FNDC3B: variants seen among roughly 807,000 people sequenced by gnomAD.
FNDC3B encodes fibronectin type III domain containing 3B.
FNDC3B carries 12 observed loss-of-function variants against 151.5 expected under a neutral mutation model. The observed-to-expected ratio is 0.08, with a 90% confidence interval of 0.05 to 0.13. The LOEUF (loss-of-function observed/expected upper bound fraction) is 0.13. FNDC3B is among the 10% of genes least tolerant of loss of function. The pLI, the probability that FNDC3B is intolerant of heterozygous loss-of-function variation, is 1.00. For synonymous variants in FNDC3B, 528 were observed against 549.0 expected, an observed-to-expected ratio of 0.96 and a Z score of 0.54; for missense variants, 1,214 against 1,505.3, an observed-to-expected ratio of 0.81 and a Z score of 3.20.
At chr3:172,191,001 G>A (rs972153395) in intron 3 of FNDC3B, among the ~76,000 whole-genome samples, 1 of 152,148 alleles carries the variant, frequency 6.6e-6, no homozygotes, top group African/African-American at 2.4e-5. Context: ...ATGAAATATT[G>A]AAGAAAGAAC....
At chr3:172,221,826 G>T (rs369190947) in intron 3 of FNDC3B, among the ~76,000 whole-genome samples, 208 of 152,254 alleles carry the variant, frequency 1.4e-3, no homozygotes, top group African/African-American at 4.9e-3. Context: ...CTCACATTTT[G>T]TATGCAGTCT....
chr3:172,068,466 C>G (rs1419887235), intron 1 of FNDC3B, among the ~76,000 whole-genome samples: 1 of 149,898 alleles, frequency 6.7e-6, no homozygotes, highest in Non-Finnish European at 1.5e-5. Flanking sequence ...CTCTGTCTCC[C>G]AGGCTGGAGT....
intron 6 of FNDC3B, among the ~76,000 whole-genome samples, chr3:172,277,225 A>T (rs1451838633): frequency 6.6e-6 from 1 of 152,216 alleles, no homozygotes; most frequent in Non-Finnish European, 1.5e-5. Flanking sequence ...GTGTTTTTCT[A>T]TAGCAATCTA....
intron 1 of FNDC3B, among the ~76,000 whole-genome samples, chr3:172,062,281 T>C (rs1420855782): frequency 6.6e-6 from 1 of 151,978 alleles, no homozygotes; most frequent in East Asian, 1.9e-4. Flanking sequence ...TATTGGTCCC[T>C]AGTACCCCAA....
intron 1 of FNDC3B, among the ~76,000 whole-genome samples, chr3:172,063,102 C>T (rs773434336): frequency 3.9e-5 from 6 of 152,184 alleles, no homozygotes; most frequent in Non-Finnish European, 7.3e-5. Flanking sequence ...TTGTTAAATA[C>T]ATTTTTTCGT....
rs768922841 is a variant in FNDC3B, at chr3:172,330,648, G to T, written c.1487G>T (p.Ser496Ile). The change falls in exon 13 of 26, where the codon AGT (serine) becomes ATT (isoleucine). Residue 496 changes from serine to isoleucine, a missense_variant. Around this residue, in one of 7 missense-constraint regions of FNDC3B, gnomAD observed 111 missense variants for 96.8 expected, o/e 1.15. Coordinates refer to ENST00000415807, the MANE Select transcript of FNDC3B (RefSeq NM_022763.4). ...ATCACATGGGTCACGTTGCAGTGGA[G>T]TAAGCCAGAAGGCTGTTCACCCGAG... ...AGITWVTLQW[S>I]KPEGCSPEEV... 15 of 1,614,092 alleles carry T rather than the reference G, an allele frequency of 9.3e-6. No individual in the cohort carries two copies. The highest frequency in any genetic ancestry group is 1.3e-5 in the African/African-American group (1 of 74,942).
chr3:172,117,192 A>C (rs769779368), intron 2 of FNDC3B, among the ~76,000 whole-genome samples: 7 of 152,228 alleles, frequency 4.6e-5, no homozygotes, highest in Non-Finnish European at 7.3e-5. Flanking sequence ...CCCACCTCTG[A>C]ATAACTACAG....
intron 3 of FNDC3B, among the ~76,000 whole-genome samples, chr3:172,169,874 A>G (rs1052109077): frequency 6.6e-6 from 1 of 152,198 alleles, no homozygotes; most frequent in Non-Finnish European, 1.5e-5. Flanking sequence ...TGCCACAAAG[A>G]AGGAAATTCA....
intron 3 of FNDC3B, among the ~76,000 whole-genome samples, chr3:172,200,901 C>A (rs1725113629): frequency 6.6e-6 from 1 of 152,144 alleles, no homozygotes; most frequent in Non-Finnish European, 1.5e-5. Flanking sequence ...AGCGTTTTCT[C>A]AAAAGGGTAC....
chr3:172,309,596 A>G (rs1226635630), intron 10 of FNDC3B, among the ~76,000 whole-genome samples: 2 of 152,230 alleles, frequency 1.3e-5, no homozygotes, highest in Admixed American at 6.5e-5. Flanking sequence ...CACTCACCTG[A>G]GATCCGAGTT....
chr3:172,198,712 A>C (rs952909628), intron 3 of FNDC3B, among the ~76,000 whole-genome samples: 3 of 152,252 alleles, frequency 2.0e-5, no homozygotes, highest in African/African-American at 7.2e-5. Flanking sequence ...CGCTGTTCCC[A>C]CATCTAGACA....
chr3:172,247,051 T>C (rs1727817085), intron 4 of FNDC3B, among the ~76,000 whole-genome samples: 1 of 152,216 alleles, frequency 6.6e-6, no homozygotes, highest in Non-Finnish European at 1.5e-5. Context: ...ATGATGGAAC[T>C]GTGCATGTTA....
chr3:172,098,050 G>A (rs1719178741), intron 1 of FNDC3B, among the ~76,000 whole-genome samples: 2 of 151,470 alleles, frequency 1.3e-5, no homozygotes, highest in African/African-American at 4.9e-5. Flanking sequence ...AGAAAAATAA[G>A]CCAGAAGAGT....
intron 2 of FNDC3B, among the ~76,000 whole-genome samples, chr3:172,121,124 C>G (rs1257024859): frequency 1.3e-5 from 2 of 152,164 alleles, no homozygotes; most frequent in African/African-American, 4.8e-5. Flanking sequence ...CCGAGCCTGC[C>G]TGAACTCTGT....
Position 172,247,679 on chromosome 3 carries a change from A to G in FNDC3B, c.411A>G (p.Ser137=), listed in dbSNP as rs536027783. 5.3e-5 allele frequency: 85 copies of G among 1,613,936 alleles called. 1 individual carries two copies. The South Asian group carries it at 9.0e-4, about 17-fold the overall frequency. Residue 137 remains serine (S), a synonymous_variant, in exon 5 of 26, where the codon TCA becomes TCG. Coordinates refer to ENST00000415807, the MANE Select transcript of FNDC3B (RefSeq NM_022763.4). The stretch of plus-strand genomic sequence containing the variant: ...ACCATCCACATTTTATTCATAACTC[A>G]CACACGGCTTACTACCCACCTGTTA... ...LTHHPHFIHN[S]HTAYYPPVTG... is the part of the protein sequence containing the mutation.
At chr3:172,144,434 G>A (rs1483883673) in intron 3 of FNDC3B, among the ~76,000 whole-genome samples, 1 of 152,220 alleles carries the variant, frequency 6.6e-6, no homozygotes, top group African/African-American at 2.4e-5. Flanking sequence ...TACCAGCGGT[G>A]TGATTGAAGA....
intron 6 of FNDC3B, 142 bp downstream of exon 6, chr3:172,251,683 CTATT>C (rs1728088872): frequency 1.4e-6 from 1 of 709,712 alleles, no homozygotes; most frequent in Non-Finnish European, 2.2e-6. Flanking sequence ...CTTCTTTGAT[CTATT>C]TCTTGGTAAG....
chr3:172,385,867 A>G (rs891046049), intron 25 of FNDC3B, among the ~76,000 whole-genome samples: 7 of 151,800 alleles, frequency 4.6e-5, no homozygotes, highest in Admixed American at 2.6e-4. Context: ...CCTTCCCCCA[A>G]GCTCATTTTT....
intron 4 of FNDC3B, among the ~76,000 whole-genome samples, chr3:172,240,490 C>T (rs373347563): frequency 1.4e-4 from 21 of 152,304 alleles, no homozygotes; most frequent in African/African-American, 4.8e-4. Context: ...CTTTTCACAT[C>T]TCTTAATAAC....
Sources: allele counts gnomAD v4.1 joint callset (sites outside exome capture counted in the v4.1 genomes callset), GRCh38; gene constraint gnomAD v4.1.1; regional missense constraint gnomAD v4.1.1; transcripts MANE v1.5; gene names NCBI Gene and HGNC (gene_info 2026-07-23, HGNC 2026-07-21).